ASXL3: variants seen among roughly 807,000 people sequenced by gnomAD.
ASXL3 encodes the protein ASXL transcriptional regulator 3, also known as putative Polycomb group protein ASXL3.
ASXL3 carries 34 observed loss-of-function variants against 170.6 expected under a neutral mutation model. The ratio of observed to expected loss-of-function variants is 0.20; its 90% confidence interval spans 0.15 to 0.27. The LOEUF is 0.27. ASXL3 is among the 10% of genes least tolerant of loss of function. The pLI is 1.00. For missense variants in ASXL3, 2,592 were observed against 2,695.3 expected, an observed-to-expected ratio of 0.96 and a Z score of 0.85; for synonymous variants, 1,002 against 989.1, an observed-to-expected ratio of 1.01 and a Z score of -0.24.
chr18:33,690,889 T>A (rs1470062449), intron 8 of ASXL3, among the ~76,000 whole-genome samples: 1 of 152,136 alleles, frequency 6.6e-6, no homozygotes, highest in Non-Finnish European at 1.5e-5. Flanking sequence ...ATCAGGCTAC[T>A]CCTCAGTGCA....
intron 2 of ASXL3, 60 bp downstream of exon 2, chr18:33,607,736 C>A: frequency 1.6e-6 from 2 of 1,280,704 alleles, no homozygotes; most frequent in Non-Finnish European, 2.2e-6. Flanking sequence ...CCACTCGTTG[C>A]TAAGCGATAG....
At chr18:33,732,117 C>A in intron 9 of ASXL3, 53 bp downstream of exon 9, 3 of 1,406,636 alleles carry the variant, frequency 2.1e-6, no homozygotes, top group Non-Finnish European at 3.0e-6. Context: ...ACATACCGTA[C>A]TGAGCTTGTA....
At chr18:33,603,561 A>AT (rs2145117075) in intron 1 of ASXL3, among the ~76,000 whole-genome samples, 1 of 152,084 alleles carries the variant, frequency 6.6e-6, no homozygotes, top group South Asian at 2.1e-4. Context: ...AGAAGGTGGA[A>AT]TGTAATGGTA....
At chr18:33,598,709 G>C (rs2065153600) in intron 1 of ASXL3, among the ~76,000 whole-genome samples, 1 of 152,182 alleles carries the variant, frequency 6.6e-6, no homozygotes. Context: ...CATGAGATAA[G>C]TTATCTGGGA....
chr18:33,597,793 C>CAAAAAAAA (rs34304405), intron 1 of ASXL3, among the ~76,000 whole-genome samples: 6 of 132,578 alleles, frequency 4.5e-5, no homozygotes, highest in Non-Finnish European at 4.9e-5. Context: ...CTCTCATCTA[C>CAAAAAAAA]AAAAAAAAAA....
At chr18:33,582,346 G>A (rs1206196765) in intron 1 of ASXL3, among the ~76,000 whole-genome samples, 1 of 152,144 alleles carries the variant, frequency 6.6e-6, no homozygotes, top group Non-Finnish European at 1.5e-5. Flanking sequence ...TTGTTTTACA[G>A]CACTAAGGGG....
At position 33,739,163 on chromosome 18, in the gene ASXL3, G is replaced by A; in HGVS notation, c.1759G>A (p.Gly587Arg). 6.2e-7 allele frequency: 1 copy of A among 1,613,724 alleles called. No individual in the cohort carries two copies. Among genetic ancestry groups the A allele is most frequent in the Non-Finnish European group, 8.5e-7 (1 of 1,179,796 alleles). The change falls in exon 11 of 12, where the codon GGA becomes AGA. Residue 587 changes from glycine to arginine, a missense_variant. By Grantham distance (125) the Gly-to-Arg change is moderately radical. Coordinates refer to ENST00000269197, the MANE Select transcript of ASXL3 (RefSeq NM_030632.3). Reference sequence around the variant, plus strand: ...TCTAGAAGGCCAGTTTCCAAATGAAGGAATTGCTATAGATATGGAGCTACA... The same window carrying A: ...TCTAGAAGGCCAGTTTCCAAATGAAAGAATTGCTATAGATATGGAGCTACA... Reference protein sequence around the residue: ...SSLEGQFPNEGIAIDMELQSD... With the variant: ...SSLEGQFPNERIAIDMELQSD...
intron 8 of ASXL3, among the ~76,000 whole-genome samples, chr18:33,712,201 TGATAC>T: frequency 6.6e-6 from 1 of 152,310 alleles, no homozygotes; most frequent in South Asian, 2.1e-4. Context: ...GTTTTCCACC[TGATAC>T]ATTTATTTAT....
chr18:33,592,415 A>G (rs2065085902), intron 1 of ASXL3, among the ~76,000 whole-genome samples: 1 of 152,168 alleles, frequency 6.6e-6, no homozygotes, highest in Non-Finnish European at 1.5e-5. Context: ...ATGTGGTGGC[A>G]TCATACTTCT....
chr18:33,657,751 G>C (rs538749493), intron 4 of ASXL3, among the ~76,000 whole-genome samples: 70 of 152,088 alleles, frequency 4.6e-4, no homozygotes, highest in Non-Finnish European at 7.9e-4. Context: ...GGGAGGGTTT[G>C]GGGAGTGCGA....
chr18:33,612,128 T>G (rs2065344544), intron 2 of ASXL3, among the ~76,000 whole-genome samples: 1 of 152,000 alleles, frequency 6.6e-6, no homozygotes, highest in South Asian at 2.1e-4. Context: ...AGTTTTTATA[T>G]TATTTGGTAA....
chr18:33,698,896 G>A (rs551666908), intron 8 of ASXL3, among the ~76,000 whole-genome samples: 1 of 152,094 alleles, frequency 6.6e-6, no homozygotes, highest in Admixed American at 6.6e-5. Context: ...GAGGGATCAG[G>A]GAAAAGGGGA....
chr18:33,605,116 GCAA>G (rs2065230434), intron 1 of ASXL3, among the ~76,000 whole-genome samples: 2 of 152,082 alleles, frequency 1.3e-5, no homozygotes, highest in African/African-American at 4.8e-5. Context: ...CAAAATGTAA[GCAA>G]CAACAAGACC....
chr18:33,667,188 T>A (rs917542660), intron 5 of ASXL3, among the ~76,000 whole-genome samples: 2 of 152,186 alleles, frequency 1.3e-5, no homozygotes, highest in African/African-American at 2.4e-5. Context: ...AAGGTTATGA[T>A]GTCATGGCTA....
At chr18:33,591,314 A>G (rs545715076) in intron 1 of ASXL3, among the ~76,000 whole-genome samples, 2 of 152,194 alleles carry the variant, frequency 1.3e-5, no homozygotes, top group Admixed American at 6.5e-5. Context: ...TGGAAAGTGG[A>G]TGGTTCTGAG....
Position 33,745,158 on chromosome 18 carries a change from A to C in ASXL3, c.5310A>C (p.Gly1770=). The C allele has an allele frequency of 6.2e-7, 1 of 1,613,992 alleles. No individual in the cohort carries two copies. Among genetic ancestry groups the C allele is most frequent in the African/African-American group, 1.3e-5 (1 of 75,048 alleles). ...LEKVLPQPRL[G]AKLEINRLPL... ...AAGTGTTGCCACAGCCCAGATTGGGAGCCAAGCTTGAAATCAACAGGCTTC... is the reference window on the plus strand; with the variant it reads ...AAGTGTTGCCACAGCCCAGATTGGGCGCCAAGCTTGAAATCAACAGGCTTC... Residue 1770 remains glycine, a synonymous_variant, in exon 12 of 12, where the codon GGA becomes GGC. Transcript: ENST00000269197.
intron 8 of ASXL3, among the ~76,000 whole-genome samples, chr18:33,716,153 G>A (rs1329747265): frequency 6.6e-6 from 1 of 152,196 alleles, no homozygotes; most frequent in African/African-American, 2.4e-5. Context: ...CAGGGATAGA[G>A]TGCAAAAGTA....
chr18:33,646,884 G>C (rs889824751), intron 4 of ASXL3, among the ~76,000 whole-genome samples: 2 of 148,132 alleles, frequency 1.4e-5, no homozygotes, highest in African/African-American at 2.5e-5. Flanking sequence ...GGGGAGCGGG[G>C]GGGGGGGGCA....
intron 7 of ASXL3, among the ~76,000 whole-genome samples, chr18:33,681,838 A>G (rs1194464479): frequency 1.3e-5 from 2 of 152,098 alleles, no homozygotes; most frequent in East Asian, 3.9e-4. Context: ...TTTGTTCCCT[A>G]TCACATTTTG....
Sources: gnomAD v4.1 joint callset for allele counts (sites outside exome capture counted in the v4.1 genomes callset) on GRCh38, gnomAD v4.1.1 for gene constraint, MANE v1.5 for transcripts, NCBI Gene and HGNC (gene_info 2026-07-23, HGNC 2026-07-21) for gene names.